Variants in CNTNAP5 observed in about 807,000 individuals in gnomAD.
The protein encoded by CNTNAP5 is contactin associated protein family member 5.
CNTNAP5 carries 72 observed loss-of-function variants against 150.2 expected under a neutral mutation model. That is an observed-to-expected ratio of 0.48 (90% CI 0.40 to 0.58). The LOEUF is 0.58. Ranked by LOEUF, CNTNAP5 falls within the 20% of genes least tolerant of loss-of-function variation. The pLI, the probability that CNTNAP5 is intolerant of heterozygous loss-of-function variation, is 0.00. For synonymous variants in CNTNAP5, 672 were observed against 619.8 expected (o/e 1.08, Z -1.25); for missense variants, 1,636 against 1,626.2 (o/e 1.01, Z -0.10).
At chr2:124,742,651 C>CATATAT (rs60303111) in intron 13 of CNTNAP5, among the ~76,000 whole-genome samples, 1 of 97,256 alleles carries the variant, frequency 1.0e-5, no homozygotes, top group Non-Finnish European at 2.5e-5. Flanking sequence ...CACACACACA[C>CATATAT]ATATATATAT....
intron 3 of CNTNAP5, among the ~76,000 whole-genome samples, chr2:124,282,951 A>G (rs1688049751): frequency 6.6e-6 from 1 of 151,742 alleles, no homozygotes; most frequent in Non-Finnish European, 1.5e-5. Context: ...ATGTTTGCAG[A>G]GTTGGGGCTC....
intron 19 of CNTNAP5, among the ~76,000 whole-genome samples, chr2:124,836,590 C>T (rs999685367): frequency 1.3e-5 from 2 of 152,218 alleles, no homozygotes; most frequent in South Asian, 2.1e-4. Context: ...GCATAGTAAC[C>T]TCCCAGCTCT....
At chr2:124,411,723 G>A (rs12992830) in intron 3 of CNTNAP5, among the ~76,000 whole-genome samples, 31,999 of 74,064 alleles carry the variant, frequency 0.43, 7,878 homozygotes, top group Non-Finnish European at 0.55. Flanking sequence ...TTGATGGGAC[G>A]TATTTCAAAA....
chr2:124,653,917 C>CCT (rs1553427444), intron 13 of CNTNAP5, among the ~76,000 whole-genome samples: 2 of 137,036 alleles, frequency 1.5e-5, no homozygotes, highest in African/African-American at 5.5e-5. Flanking sequence ...CCCAACCCCC[C>CCT]CCCCCCGCCA....
chr2:124,523,804 C>T (rs965342140), intron 8 of CNTNAP5, among the ~76,000 whole-genome samples: 1 of 152,192 alleles, frequency 6.6e-6, no homozygotes, highest in African/African-American at 2.4e-5. Flanking sequence ...AGGAGGCTGC[C>T]TCTGCCTGGC....
intron 22 of CNTNAP5, among the ~76,000 whole-genome samples, chr2:124,905,664 A>G (rs1678520483): frequency 6.6e-6 from 1 of 152,150 alleles, no homozygotes; most frequent in African/African-American, 2.4e-5. Flanking sequence ...AAAGAGATAC[A>G]TTCTACCACT....
chr2:124,040,352 G>T (rs996802165), intron 1 of CNTNAP5, among the ~76,000 whole-genome samples: 3 of 152,012 alleles, frequency 2.0e-5, no homozygotes, highest in Non-Finnish European at 2.9e-5. Flanking sequence ...CTTGGCCTTG[G>T]AGTTTATTTA....
chr2:124,279,614 A>G lies in CNTNAP5; in HGVS notation c.381+37221A>G, dbSNP rs533606500. Among the ~76,000 whole-genome samples the G allele has an allele frequency of 2.6e-5, 4 of 152,276 alleles. No homozygotes were observed. The East Asian group carries it at 7.7e-4, about 29-fold the overall frequency. On this transcript the variant is annotated intron_variant, in intron 3 of 23. Coordinates refer to ENST00000682447, the MANE Select transcript of CNTNAP5 (RefSeq NM_001367498.1). ...CTGATAAGTAAAGTTAGTTTTACTT[A>G]TCAGGGGATCCAACCATAACCTCTC...
intron 13 of CNTNAP5, among the ~76,000 whole-genome samples, chr2:124,742,407 C>A (rs569590069): frequency 4.9e-4 from 75 of 151,650 alleles, no homozygotes; most frequent in Non-Finnish European, 9.7e-4. Context: ...TGCAACAAAG[C>A]AAAACACACT....
intron 11 of CNTNAP5, among the ~76,000 whole-genome samples, chr2:124,580,276 T>C (rs937721812): frequency 6.6e-6 from 1 of 152,238 alleles, no homozygotes; most frequent in Admixed American, 6.5e-5. Flanking sequence ...CCTCTTTACA[T>C]ATTTTAAGTT....
chr2:124,419,836 T>C (rs1692036314), intron 4 of CNTNAP5, among the ~76,000 whole-genome samples: 1 of 152,126 alleles, frequency 6.6e-6, no homozygotes, highest in Non-Finnish European at 1.5e-5. Flanking sequence ...TGGGTTAGCA[T>C]GCCTTCTGAA....
intron 1 of CNTNAP5, among the ~76,000 whole-genome samples, chr2:124,200,596 A>G (rs990649665): frequency 2.6e-5 from 4 of 152,236 alleles, no homozygotes; most frequent in African/African-American, 9.6e-5. Context: ...TACAGTATTC[A>G]CTAAAGTCAC....
chr2:124,527,434 G>T lies in CNTNAP5; in HGVS notation c.1627G>T (p.Asp543Tyr). 6.2e-7 allele frequency: 1 copy of T among 1,613,268 alleles called. No individual in the cohort carries two copies. Among genetic ancestry groups the T allele is most frequent in the Non-Finnish European group, 8.5e-7 (1 of 1,179,350 alleles). The change falls in exon 10 of 24, where the codon GAT (aspartate) becomes TAT (tyrosine). Residue 543 changes from aspartate to tyrosine, a missense_variant. Asp to Tyr is a radical substitution (Grantham distance 160, BLOSUM62 -3). Coordinates refer to ENST00000682447, the MANE Select transcript of CNTNAP5 (RefSeq NM_001367498.1). ...SLGNFSDLHI[D>Y]LCSIKDRCLP... is the part of the protein sequence containing the mutation. ...GGGGAATTTTAGTGATTTACACATT[G>T]ATCTGTGTAGCATCAAAGACAGGTA... is the stretch of plus-strand genomic sequence containing the variant.
chr2:124,083,641 T>C (rs1386689225), intron 1 of CNTNAP5, among the ~76,000 whole-genome samples: 1 of 152,086 alleles, frequency 6.6e-6, no homozygotes, highest in African/African-American at 2.4e-5. Flanking sequence ...ATTTCCAAGT[T>C]CTCTTTCTTT....
intron 2 of CNTNAP5, among the ~76,000 whole-genome samples, chr2:124,224,553 C>T (rs909310658): frequency 4.0e-5 from 6 of 151,518 alleles, no homozygotes; most frequent in African/African-American, 1.5e-4. Context: ...TATATACAGT[C>T]AGAGTCTGTC....
At chr2:124,271,899 G>A (rs916103909) in intron 3 of CNTNAP5, among the ~76,000 whole-genome samples, 5 of 151,998 alleles carry the variant, frequency 3.3e-5, no homozygotes, top group African/African-American at 1.2e-4. Context: ...GTTTTTAGTA[G>A]AGATAGGGTT....
chr2:124,279,695 C>G (rs570456129), intron 3 of CNTNAP5, among the ~76,000 whole-genome samples: 1 of 152,168 alleles, frequency 6.6e-6, no homozygotes, highest in South Asian at 2.1e-4. Flanking sequence ...AAAGTGCTAC[C>G]AATTACACAG....
chr2:124,206,573 C>A (rs953882701), intron 1 of CNTNAP5, among the ~76,000 whole-genome samples: 1 of 152,116 alleles, frequency 6.6e-6, no homozygotes, highest in African/African-American at 2.4e-5. Flanking sequence ...CCAGTGGGGG[C>A]AGTTGCATGA....
intron 18 of CNTNAP5, among the ~76,000 whole-genome samples, chr2:124,796,485 T>G (rs1252851697): frequency 6.6e-6 from 1 of 152,234 alleles, no homozygotes; most frequent in Non-Finnish European, 1.5e-5. Context: ...GCTGCATATT[T>G]TTATAAACAG....
Sources: allele counts gnomAD v4.1 joint callset (sites outside exome capture counted in the v4.1 genomes callset), GRCh38; gene constraint gnomAD v4.1.1; transcripts MANE v1.5; gene names NCBI Gene and HGNC (gene_info 2026-07-23, HGNC 2026-07-21).